Variants in CACNA1G observed in about 807,000 individuals in gnomAD.
The protein encoded by CACNA1G is calcium voltage-gated channel subunit alpha1 G.
In CACNA1G, 67 loss-of-function variants were observed where a neutral mutation model predicts 219.4. The observed-to-expected ratio is 0.31, with a 90% CI of 0.25 to 0.37. CACNA1G has a LOEUF of 0.37. Among genes scored for constraint, CACNA1G ranks in the 10% least tolerant of loss-of-function variants. CACNA1G has a pLI of 1.00. For synonymous variants in CACNA1G, 1,296 were observed against 1,345.3 expected (o/e 0.96, Z 0.80); for missense variants, 2,380 against 3,231.4 (o/e 0.74, Z 6.39).
chr17:50,603,409 CT>C lies in CACNA1G; in HGVS notation c.4169+211del, dbSNP rs1445760577. On this transcript the variant is annotated intron_variant, in intron 21 of 37. Transcript: ENST00000359106. This position sits in a 1 kb window ranked among gnomAD's most constrained non-coding sequence, Gnocchi z 6.4. Reference sequence around the variant, plus strand: ...CTCCAGGTGCACACCTGCTTTCCTCCTCTTCAACATGACATATTCCTCAGGG... The same window carrying C: ...CTCCAGGTGCACACCTGCTTTCCTCCCTTCAACATGACATATTCCTCAGGG... 1.3e-5 allele frequency among the ~76,000 whole-genome samples: 2 copies of C among 152,186 alleles called. No homozygotes were observed. Among genetic ancestry groups the C allele is most frequent in the African/African-American group, 4.8e-5 (2 of 41,434 alleles).
chr17:50,601,709 C>T (rs550904226), intron 19 of CACNA1G, among the ~76,000 whole-genome samples: 3 of 152,274 alleles, frequency 2.0e-5, no homozygotes, highest in South Asian at 2.1e-4. Context: ...GCCCCAGGGT[C>T]GAACCCCTTC....
intron 9 of CACNA1G, among the ~76,000 whole-genome samples, chr17:50,579,387 G>C (rs549135304): frequency 6.6e-6 from 1 of 152,206 alleles, no homozygotes; most frequent in African/African-American, 2.4e-5. Context: ...AGATAGAAAG[G>C]GTAGCCTGGG....
chr17:50,609,525 C>A (rs1041746745), intron 25 of CACNA1G, among the ~76,000 whole-genome samples: 4 of 151,992 alleles, frequency 2.6e-5, no homozygotes, highest in African/African-American at 9.7e-5. Context: ...TTTTGGCAGG[C>A]GGCACTTGTG....
At chr17:50,576,555 A>G (rs911856439) in intron 8 of CACNA1G, among the ~76,000 whole-genome samples, 1 of 152,260 alleles carries the variant, frequency 6.6e-6, no homozygotes, top group Non-Finnish European at 1.5e-5. Context: ...ACTATCATGT[A>G]ATAAGCACCT....
intron 9 of CACNA1G, among the ~76,000 whole-genome samples, chr17:50,580,042 C>T (rs1015566735): frequency 2.6e-5 from 4 of 152,170 alleles, no homozygotes; most frequent in Admixed American, 2.0e-4. Flanking sequence ...CTCCCCATCA[C>T]CATCACACAT....
intron 10 of CACNA1G, 143 bp downstream of exon 10, chr17:50,590,765 C>T: frequency 1.4e-6 from 1 of 703,110 alleles, no homozygotes; most frequent in Non-Finnish European, 2.4e-6. Context: ...GCCACTCCTC[C>T]TAGGTGGGGG....
chr17:50,619,421 T>C (rs75573196), intron 33 of CACNA1G, among the ~76,000 whole-genome samples: 4 of 151,842 alleles, frequency 2.6e-5, no homozygotes, highest in South Asian at 2.1e-4. Flanking sequence ...TCTCTCTCTC[T>C]CCCCCCGCCG....
Position 50,576,275 on chromosome 17 carries a change from C to A in CACNA1G, c.1873C>A (p.Pro625Thr), listed in dbSNP as rs779382130. Reference protein sequence around the residue: ...GPPTLTSLNIPPGPYSSMHKL... With the variant: ...GPPTLTSLNITPGPYSSMHKL... ...CCCAACCCTCACCAGCCTCAACATCCCACCCGGGCCCTACAGCTCCATGCA... is the reference window on the plus strand; with the variant it reads ...CCCAACCCTCACCAGCCTCAACATCACACCCGGGCCCTACAGCTCCATGCA... The change falls in exon 8 of 38, where the codon CCA (proline) becomes ACA (threonine). Residue 625 changes from proline (P) to threonine (T), a missense_variant. This residue lies in a region of CACNA1G where 434 missense variants were observed against 417.3 expected (regional missense o/e 1.04). Transcript: ENST00000359106. 6.3e-7 allele frequency: 1 copy of A among 1,586,004 alleles called. No individual in the cohort carries two copies. Among genetic ancestry groups the A allele is most frequent in the Admixed American group, 1.8e-5 (1 of 56,164 alleles).
intron 16 of CACNA1G, among the ~76,000 whole-genome samples, chr17:50,597,306 C>A (rs2145687899): frequency 6.6e-6 from 1 of 152,258 alleles, no homozygotes; most frequent in South Asian, 2.1e-4. Context: ...AAACACTACT[C>A]CGAAGCATTC....
chr17:50,616,245 G>A (rs964242274), intron 27 of CACNA1G, 30 bp from the exon 28 acceptor site: 3 of 1,406,202 alleles, frequency 2.1e-6, no homozygotes, highest in South Asian at 2.3e-5. Context: ...GGCCTTAAGG[G>A]ACCCTGCATC....
At position 50,561,452 on chromosome 17, in the gene CACNA1G, G is replaced by T. The variant is rs1344802076; in HGVS notation, c.-8G>T. 2 of 1,533,998 alleles carry T rather than the reference G, an allele frequency of 1.3e-6. No individual in the cohort carries two copies. Among genetic ancestry groups the T allele is most frequent in the East Asian group, 2.4e-5 (1 of 40,856 alleles). Reference sequence around the variant, plus strand: ...TCCGGATCGCCCGGGGCCCCGGCTGGCCAGAGGATGGACGAGGAGGAGGAT... The same window carrying T: ...TCCGGATCGCCCGGGGCCCCGGCTGTCCAGAGGATGGACGAGGAGGAGGAT... On this transcript the variant is annotated 5_prime_UTR_variant, in exon 1 of 38. Coordinates refer to ENST00000359106, the MANE Select transcript of CACNA1G (RefSeq NM_018896.5).
Position 50,616,737 on chromosome 17 carries a change from C to T in CACNA1G, c.5021+353C>T, listed in dbSNP as rs1458021307. On this transcript the variant is annotated intron_variant, in intron 28 of 37. Coordinates refer to ENST00000359106, the MANE Select transcript of CACNA1G (RefSeq NM_018896.5). ...GTAGCTGGTGGCCTTGGGTAAGTTACTTAACCTCTCTGTGCCTCAGTTTCC... is the reference window on the plus strand; with the variant it reads ...GTAGCTGGTGGCCTTGGGTAAGTTATTTAACCTCTCTGTGCCTCAGTTTCC... 5.9e-5 allele frequency among the ~76,000 whole-genome samples: 9 copies of T among 152,348 alleles called. No individual in the cohort carries two copies. In the East Asian group the frequency reaches 1.7e-3, roughly 29 times the overall value.
Position 50,599,730 on chromosome 17 carries a change from C to T in CACNA1G, c.3561C>T (p.Ala1187=), listed in dbSNP as rs1296844054. ...AGGTGCCAGGGCTGCATCGCACTGC[C>T]AGTGGCCGAGGGTCTGCTTCTGAGC... ...TLQVPGLHRT[A]SGRGSASEHQ... is the part of the protein sequence containing the mutation. The change falls in exon 17 of 38, where the codon GCC becomes GCT. Residue 1187 remains alanine, a synonymous_variant. Coordinates refer to ENST00000359106, the MANE Select transcript of CACNA1G (RefSeq NM_018896.5). The T allele has an allele frequency of 1.2e-6, 2 of 1,613,594 alleles. No homozygotes were observed. Among genetic ancestry groups the T allele is most frequent in the Admixed American group, 3.3e-5 (2 of 59,988 alleles).
At chr17:50,570,855 C>T (rs977795533) in intron 4 of CACNA1G, among the ~76,000 whole-genome samples, 3 of 152,050 alleles carry the variant, frequency 2.0e-5, no homozygotes, top group Admixed American at 2.0e-4. Context: ...AGTGAGAAAA[C>T]TGGGCTGGCA....
chr17:50,561,636 G>C lies in CACNA1G; in HGVS notation c.177G>C (p.Val59=). 6.2e-7 allele frequency: 1 copy of C among 1,605,706 alleles called. No individual in the cohort carries two copies. The highest frequency in any genetic ancestry group is 8.5e-7 in the Non-Finnish European group (1 of 1,176,972). ...TGCCGTACCCGGCGCTGGCCCCGGT[G>C]GTTTTCTTCTACTTGAGCCAGGACA... is the stretch of plus-strand genomic sequence containing the variant. The part of the protein sequence containing the change: ...EGLPYPALAP[V]VFFYLSQDSR... Residue 59 remains valine, a synonymous_variant, in exon 1 of 38, where the codon GTG becomes GTC. Transcript: ENST00000359106.
intron 9 of CACNA1G, among the ~76,000 whole-genome samples, chr17:50,585,286 C>G (rs539864006): frequency 6.6e-6 from 1 of 152,306 alleles, no homozygotes; most frequent in East Asian, 1.9e-4. Flanking sequence ...GCTGGGACTA[C>G]GGGCACCTGC....
rs1250700627 is a variant in CACNA1G at position 50,561,615 on chromosome 17, G to A, written c.156G>A (p.Pro52=). The A allele has an allele frequency of 1.1e-5, 17 of 1,594,036 alleles. No homozygotes were observed. Among genetic ancestry groups the A allele is most frequent in the Admixed American group, 1.7e-5 (1 of 57,666 alleles). Residue 52 remains proline (P), a synonymous_variant, in exon 1 of 38, where the codon CCG becomes CCA. Transcript: ENST00000359106. ...GSADSEAEGL[P]YPALAPVVFF... ...CGGACTCCGAGGCGGAGGGGCTGCC[G>A]TACCCGGCGCTGGCCCCGGTGGTTT...
intron 1 of CACNA1G, 111 bp downstream of exon 1, chr17:50,561,812 G>T: frequency 2.6e-6 from 2 of 770,744 alleles, no homozygotes; most frequent in Non-Finnish European, 3.6e-6. Flanking sequence ...AGTGAGCCCG[G>T]AGGGTAGGCG....
intron 24 of CACNA1G, 99 bp from the exon 25 acceptor site, chr17:50,607,728 G>A (rs1598585776): frequency 1.0e-6 from 1 of 959,824 alleles, no homozygotes; most frequent in Non-Finnish European, 1.7e-6. Context: ...TCAGGCGGCT[G>A]TAGCTATTTG....
Sources: gnomAD v4.1 joint callset for allele counts (sites outside exome capture counted in the v4.1 genomes callset) on GRCh38, gnomAD v4.1.1 for gene constraint, gnomAD v4.1.1 regional missense constraint, Gnocchi (gnomAD v3.1) non-coding constraint, MANE v1.5 for transcripts, NCBI Gene and HGNC (gene_info 2026-07-23, HGNC 2026-07-21) for gene names.